The following GALNT11 variants were observed in gnomAD, a reference collection of about 807,000 sequenced individuals.
The protein encoded by GALNT11 is UDP-GalNAc:polypeptide N-acetylgalactosaminyltransferase 11.
Under a neutral mutation model 72.7 loss-of-function variants are expected in GALNT11, and 47 were observed. That is an observed-to-expected ratio of 0.65 (90% CI 0.51 to 0.82). The LOEUF (loss-of-function observed/expected upper bound fraction) is 0.82, where lower values mean the gene tolerates loss of function less well. Ranked by LOEUF, GALNT11 falls within the 40% of genes least tolerant of loss-of-function variation. The pLI is 0.00. For synonymous variants in GALNT11, 270 were observed against 286.6 expected, an observed-to-expected ratio of 0.94 and a Z score of 0.58; for missense variants, 677 against 778.4, an observed-to-expected ratio of 0.87 and a Z score of 1.55.
rs1157057775 is a variant in GALNT11, at chr7:152,094,082, C to T, written c.-38-108C>T. The T allele has an allele frequency of 1.2e-6, 1 of 848,302 alleles. No homozygotes were observed. The highest frequency in any genetic ancestry group is 1.8e-6 in the Non-Finnish European group (1 of 543,540). The allele number at this position is 848,302 out of a possible 1,614,324, so 52.5% of individuals were successfully genotyped here. A position where few individuals can be genotyped will look rare whatever the true frequency, so the allele number is the denominator to read the frequency against. On this transcript the variant is annotated intron_variant, in intron 1 of 11. Coordinates refer to ENST00000430044, the MANE Select transcript of GALNT11 (RefSeq NM_022087.4). The surrounding 1 kb of genome is among the most constrained non-coding windows in gnomAD (Gnocchi z 4.3). ...CTTCTTGTATTTGAATATCCGTTAA[C>T]TGTACGCATAGTGGTCCTACTTGGT...
At chr7:152,090,834 C>T (rs2085977076) in intron 1 of GALNT11, among the ~76,000 whole-genome samples, 1 of 152,116 alleles carries the variant, frequency 6.6e-6, no homozygotes, top group Non-Finnish European at 1.5e-5. Flanking sequence ...GCACTTATCA[C>T]TTTCTAATGT....
At chr7:152,096,660 A>T (rs2086400203) in intron 2 of GALNT11, among the ~76,000 whole-genome samples, 1 of 150,442 alleles carries the variant, frequency 6.6e-6, no homozygotes, top group Admixed American at 6.7e-5. Context: ...GGTTGCAGTG[A>T]GTCAAGATCG....
chr7:152,083,471 T>C lies in GALNT11; in HGVS notation c.-38-10719T>C, dbSNP rs150467359. Among the ~76,000 whole-genome samples, 92 of 152,322 alleles carry C rather than the reference T, an allele frequency of 6.0e-4. No homozygotes were observed. In the Middle Eastern group the frequency reaches 0.017, roughly 28 times the overall value. On this transcript the variant is annotated intron_variant, in intron 1 of 11. Transcript: ENST00000430044. Reference sequence around the variant, plus strand: ...TTATACTAAGCTTATACTAAATTTATTTATAGCAAACATATTAGATTTCTA... The same window carrying C: ...TTATACTAAGCTTATACTAAATTTACTTATAGCAAACATATTAGATTTCTA...
chr7:152,119,900 T>C (rs2089265149), intron 10 of GALNT11: 2 of 152,136 alleles, frequency 1.3e-5, no homozygotes, highest in Non-Finnish European at 2.9e-5. Context: ...TTTCTGTGCA[T>C]CTTCTGGGTA....
chr7:152,072,437 A>C (rs1008231568), intron 1 of GALNT11, among the ~76,000 whole-genome samples: 2 of 152,190 alleles, frequency 1.3e-5, no homozygotes, highest in African/African-American at 4.8e-5. Flanking sequence ...ACTTTCTTCA[A>C]GTTTCTTATT....
At chr7:152,103,944 T>C (rs2129051869) in intron 4 of GALNT11, 1 of 152,440 alleles carries the variant, frequency 6.6e-6, no homozygotes, top group South Asian at 2.1e-4. Context: ...CTTACACTGA[T>C]CGTCCCCAGA....
chr7:152,117,808 G>C (rs1049657970), intron 9 of GALNT11: 5 of 176,426 alleles, frequency 2.8e-5, no homozygotes, highest in Non-Finnish European at 5.9e-5. Context: ...TTCATGCCTG[G>C]TGTTCCCAGA....
At position 152,113,372 on chromosome 7, in the gene GALNT11, G is replaced by A; in HGVS notation, c.1207G>A (p.Ala403Thr). ...DTMTHNSLRL[A>T]HVWLDEYKEQ... ...CATGACACACAACTCTTTGCGGCTGGCACATGTCTGGTTGGATGAATACAA... is the reference window on the plus strand; with the variant it reads ...CATGACACACAACTCTTTGCGGCTGACACATGTCTGGTTGGATGAATACAA... Residue 403 changes from alanine to threonine, a missense_variant, in exon 8 of 12, where the codon GCA becomes ACA. Ala to Thr is a moderately conservative substitution (Grantham distance 58, BLOSUM62 0). Coordinates refer to ENST00000430044, the MANE Select transcript of GALNT11 (RefSeq NM_022087.4). 6.2e-7 allele frequency: 1 copy of A among 1,613,850 alleles called. No individual in the cohort carries two copies. Among genetic ancestry groups the A allele is most frequent in the Non-Finnish European group, 8.5e-7 (1 of 1,179,932 alleles).
intron 9 of GALNT11, 103 bp downstream of exon 9, chr7:152,117,478 G>A: frequency 9.0e-7 from 1 of 1,110,282 alleles, no homozygotes; most frequent in African/African-American, 1.6e-5. Flanking sequence ...ACTTAACAGA[G>A]TGTAATGACA....
At chr7:152,070,577 T>C (rs1160193784) in intron 1 of GALNT11, among the ~76,000 whole-genome samples, 1 of 152,218 alleles carries the variant, frequency 6.6e-6, no homozygotes, top group African/African-American at 2.4e-5. Context: ...GGTCAAGTTC[T>C]TCTCACATTG....
At chr7:152,053,508 G>A (rs2083496159) in intron 1 of GALNT11, among the ~76,000 whole-genome samples, 1 of 152,204 alleles carries the variant, frequency 6.6e-6, no homozygotes, top group South Asian at 2.1e-4. Flanking sequence ...CAAAATTAAT[G>A]TCTGCATCCT....
chr7:152,043,173 T>G (rs1197507870), intron 1 of GALNT11, among the ~76,000 whole-genome samples: 1 of 152,200 alleles, frequency 6.6e-6, no homozygotes, highest in African/African-American at 2.4e-5. Context: ...CAGAAGTAGA[T>G]GTAACAATTT....
chr7:152,062,244 G>A (rs1044603970), intron 1 of GALNT11, among the ~76,000 whole-genome samples: 1 of 152,144 alleles, frequency 6.6e-6, no homozygotes, highest in Non-Finnish European at 1.5e-5. Flanking sequence ...AATTGTGAAT[G>A]GGAGTTCACG....
At position 152,030,278 on chromosome 7, in the gene GALNT11, A is replaced by C. The variant is rs552993294; in HGVS notation, c.-39+4394A>C. On this transcript the variant is annotated intron_variant, in intron 1 of 11. Transcript: ENST00000430044. ...TAGATCACGGGACGCTGGTGTTACC[A>C]CTAGACCAAGGAGCCCTCTGGTGGC... Among the ~76,000 whole-genome samples the C allele has an allele frequency of 2.6e-5, 4 of 152,192 alleles. No individual in the cohort carries two copies. The South Asian group carries it at 8.3e-4, about 32-fold the overall frequency.
intron 1 of GALNT11, among the ~76,000 whole-genome samples, chr7:152,060,897 A>C (rs149816225): frequency 0.049 from 7,469 of 152,254 alleles, 627 homozygotes; most frequent in African/African-American, 0.17. Flanking sequence ...GGTTGGTTCC[A>C]AGTCTTTGCT....
chr7:152,071,810 C>T (rs1162114965), intron 1 of GALNT11, among the ~76,000 whole-genome samples: 1 of 152,096 alleles, frequency 6.6e-6, no homozygotes, highest in African/African-American at 2.4e-5. Context: ...TCAGCTAGTC[C>T]CTCTGTTTGG....
intron 5 of GALNT11, 82 bp from the exon 6 acceptor site, chr7:152,107,956 G>A (rs757370299): frequency 2.0e-6 from 3 of 1,495,142 alleles, no homozygotes; most frequent in Non-Finnish European, 2.7e-6. Flanking sequence ...TGCTGTGTCA[G>A]CGCGTCATCC....
At chr7:152,084,908 A>G (rs1324615238) in intron 1 of GALNT11, among the ~76,000 whole-genome samples, 1 of 151,306 alleles carries the variant, frequency 6.6e-6, no homozygotes, top group Non-Finnish European at 1.5e-5. Context: ...TTGGGTTCAC[A>G]TACCTGTAAA....
At chr7:152,064,045 T>C (rs1157152758) in intron 1 of GALNT11, among the ~76,000 whole-genome samples, 3 of 152,232 alleles carry the variant, frequency 2.0e-5, no homozygotes, top group Non-Finnish European at 4.4e-5. Flanking sequence ...ATCTGTCTAA[T>C]GTTGACAGTG....
Sources: allele counts gnomAD v4.1 joint callset (sites outside exome capture counted in the v4.1 genomes callset), GRCh38; gene constraint gnomAD v4.1.1; non-coding constraint Gnocchi (gnomAD v3.1); transcripts MANE v1.5; gene names NCBI Gene and HGNC (gene_info 2026-07-23, HGNC 2026-07-21).